The following MED27 variants were observed in gnomAD, a reference collection of about 807,000 sequenced individuals.
MED27 encodes mediator of RNA polymerase II transcription subunit 27.
MED27 carries 30 observed loss-of-function variants against 38.2 expected under a neutral mutation model. The ratio of observed to expected loss-of-function variants is 0.79; its 90% CI spans 0.59 to 1.07. MED27 has a LOEUF of 1.07. Among genes scored for constraint, MED27 ranks in the 50% least tolerant of loss-of-function variants. The pLI is 0.00. For synonymous variants in MED27, 122 were observed against 153.5 expected (o/e 0.79, Z 1.52); for missense variants, 289 against 397.5 (o/e 0.73, Z 2.32).
chr9:132,013,434 CAGAG>C (rs1055696913), intron 3 of MED27, among the ~76,000 whole-genome samples: 1 of 152,158 alleles, frequency 6.6e-6, no homozygotes, highest in Non-Finnish European at 1.5e-5. Flanking sequence ...CAGGTATAGA[CAGAG>C]AGCAATGAGG....
At chr9:132,009,915 G>C (rs964057474) in intron 3 of MED27, among the ~76,000 whole-genome samples, 2 of 152,162 alleles carry the variant, frequency 1.3e-5, no homozygotes, top group African/African-American at 4.8e-5. Flanking sequence ...TGTTGATGGG[G>C]TTGTTTTTTC....
chr9:132,073,761 C>T, intron 2 of MED27: 1 of 1,497,736 alleles, frequency 6.7e-7, no homozygotes. Flanking sequence ...AAAAAAAAAT[C>T]AAACGTGAAA....
At chr9:132,040,163 G>A (rs570876460) in intron 2 of MED27, among the ~76,000 whole-genome samples, 2 of 152,100 alleles carry the variant, frequency 1.3e-5, no homozygotes, top group South Asian at 4.1e-4. Context: ...TCACCTTGTC[G>A]TGCTCAGCAT....
intron 4 of MED27, among the ~76,000 whole-genome samples, chr9:131,908,270 G>T (rs376293492): frequency 7.1e-6 from 1 of 140,622 alleles, no homozygotes; most frequent in African/African-American, 2.6e-5. Flanking sequence ...TCAGCCCCCC[G>T]CCCGGCCAGC....
intron 4 of MED27, among the ~76,000 whole-genome samples, chr9:131,912,561 C>T (rs1437367736): frequency 4.6e-5 from 7 of 152,166 alleles, no homozygotes; most frequent in African/African-American, 1.7e-4. Context: ...AGTCTGGAAC[C>T]CACTGAACCT....
intron 3 of MED27, among the ~76,000 whole-genome samples, chr9:131,946,791 C>T (rs1830894491): frequency 6.6e-6 from 1 of 152,186 alleles, no homozygotes; most frequent in South Asian, 2.1e-4. Flanking sequence ...GTATTCTCAC[C>T]CCCGTGCCTG....
At chr9:132,056,438 A>G (rs1833579343) in intron 2 of MED27, among the ~76,000 whole-genome samples, 1 of 152,174 alleles carries the variant, frequency 6.6e-6, no homozygotes, top group Non-Finnish European at 1.5e-5. Flanking sequence ...AAATACCACC[A>G]ATTTCCAAGC....
intron 3 of MED27, among the ~76,000 whole-genome samples, chr9:131,993,243 T>TAAAA (rs113721791): frequency 6.6e-6 from 1 of 151,134 alleles, no homozygotes; most frequent in African/African-American, 2.4e-5. Flanking sequence ...TTTTTTTTTT[T>TAAAA]AAAAAATTCA....
chr9:131,933,186 C>T (rs1242755169), intron 4 of MED27, among the ~76,000 whole-genome samples: 2 of 152,054 alleles, frequency 1.3e-5, no homozygotes, highest in East Asian at 1.9e-4. Context: ...AAATGAAAGC[C>T]TTTCCTCTAT....
chr9:131,878,704 AATG>A (rs1838981719), intron 6 of MED27, among the ~76,000 whole-genome samples: 1 of 152,278 alleles, frequency 6.6e-6, no homozygotes, highest in East Asian at 1.9e-4. Context: ...AGAGTTTTGA[AATG>A]AGGGGGTTAA....
rs1160000883 is a variant in MED27, at chr9:131,922,173, A to AAAAAT, written c.573+17203_573+17207dup. Among the ~76,000 whole-genome samples the AAAAAT allele has an allele frequency of 3.0e-4, 45 of 152,066 alleles. No homozygotes were observed. In the East Asian group the frequency reaches 7.9e-3, roughly 27 times the overall value. On this transcript the variant is annotated intron_variant, in intron 4 of 7. Transcript: ENST00000292035. ...GTACCCTAGAACTTAAAGTATAATA[A>AAAAAT]AAAATAAAATAAAATAAAATAATAA...
intron 2 of MED27, among the ~76,000 whole-genome samples, chr9:132,039,544 A>G (rs999058196): frequency 2.6e-5 from 4 of 152,214 alleles, no homozygotes; most frequent in African/African-American, 9.7e-5. Flanking sequence ...TACTGAGCGA[A>G]AAGAAGGTTG....
chr9:132,052,059 C>T (rs79158374), intron 2 of MED27, among the ~76,000 whole-genome samples: 1 of 152,098 alleles, frequency 6.6e-6, no homozygotes, highest in African/African-American at 2.4e-5. Context: ...TGAGATTTCG[C>T]GAGACAGGGG....
At chr9:131,865,215 T>C (rs188040835) in intron 6 of MED27, among the ~76,000 whole-genome samples, 1,531 of 152,326 alleles carry the variant, frequency 0.01, 9 homozygotes, top group Non-Finnish European at 0.016. Flanking sequence ...TACTTATTCC[T>C]TCGAATGCCA....
intron 2 of MED27, among the ~76,000 whole-genome samples, chr9:132,020,168 C>T (rs1020525593): frequency 3.3e-5 from 5 of 152,100 alleles, no homozygotes; most frequent in Admixed American, 6.6e-5. Context: ...TTCTGTCTAA[C>T]GGGTTTCTAG....
At chr9:132,019,934 T>C (rs1832684287) in intron 2 of MED27, among the ~76,000 whole-genome samples, 2 of 152,328 alleles carry the variant, frequency 1.3e-5, no homozygotes, top group East Asian at 1.9e-4. Context: ...CGCTGAGACG[T>C]TGCATGCTTT....
At chr9:131,896,253 T>C (rs1020692420) in intron 4 of MED27, among the ~76,000 whole-genome samples, 34 of 152,308 alleles carry the variant, frequency 2.2e-4, no homozygotes, top group Middle Eastern at 6.8e-3. Context: ...CTCACTAGGC[T>C]AAAGTGAATG....
intron 4 of MED27, among the ~76,000 whole-genome samples, chr9:131,922,491 A>C (rs1029747665): frequency 1.8e-4 from 26 of 147,568 alleles, no homozygotes; most frequent in African/African-American, 4.5e-4. Context: ...CCCAGGTTGG[A>C]GTGCAGTGGC....
At chr9:131,938,041 A>G (rs4579576) in intron 4 of MED27, among the ~76,000 whole-genome samples, 126,519 of 152,144 alleles carry the variant, frequency 0.83, 52,718 homozygotes, top group African/African-American at 0.87. Flanking sequence ...AATTTTTTAA[A>G]TATTATGTTA....
Sources: allele counts gnomAD v4.1 joint callset (sites outside exome capture counted in the v4.1 genomes callset), GRCh38; gene constraint gnomAD v4.1.1; transcripts MANE v1.5; gene names NCBI Gene and HGNC (gene_info 2026-07-23, HGNC 2026-07-21).